Variants in IL1RAP observed in about 807,000 individuals in gnomAD.
The protein encoded by IL1RAP is interleukin 1 receptor accessory protein, also known as interleukin-1 receptor accessory protein.
In IL1RAP, 35 loss-of-function variants were observed where a neutral mutation model predicts 60.7. The ratio of observed to expected loss-of-function variants is 0.58; its 90% confidence interval spans 0.44 to 0.76. IL1RAP has a LOEUF of 0.76. Ranked by LOEUF, IL1RAP falls within the 30% of genes least tolerant of loss-of-function variation. The probability of loss-of-function intolerance (pLI) is 0.00; values close to 1 mark genes in which losing one functional copy is unlikely to be tolerated. For missense variants in IL1RAP, 572 were observed against 693.9 expected (o/e 0.82, Z 1.97); for synonymous variants, 268 against 250.9 (o/e 1.07, Z -0.64).
At chr3:190,610,193 C>T (rs1221540232) in intron 5 of IL1RAP, among the ~76,000 whole-genome samples, 1 of 151,916 alleles carries the variant, frequency 6.6e-6, no homozygotes, top group African/African-American at 2.4e-5. Flanking sequence ...GAGAACAAAG[C>T]CAGGACGTCT....
intron 1 of IL1RAP, among the ~76,000 whole-genome samples, chr3:190,535,397 T>G (rs1306155308): frequency 6.6e-6 from 1 of 152,242 alleles, no homozygotes; most frequent in Non-Finnish European, 1.5e-5. Context: ...TTGCTAGTTT[T>G]GCATATGTGT....
chr3:190,618,961 T>C (rs1731518215), intron 5 of IL1RAP, among the ~76,000 whole-genome samples: 1 of 152,178 alleles, frequency 6.6e-6, no homozygotes. Context: ...TCAAAGTACA[T>C]GCTCCAGGAA....
chr3:190,613,027 T>TAATACAAATAACTTTGTA (rs557773332), intron 5 of IL1RAP, among the ~76,000 whole-genome samples: 2,979 of 152,234 alleles, frequency 0.02, 85 homozygotes, highest in African/African-American at 0.068. Flanking sequence ...CCTCATAATT[T>TAATACAAATAACTTTGTA]AATACAAATA....
chr3:190,620,971 T>G (rs1334119785), intron 6 of IL1RAP, among the ~76,000 whole-genome samples: 1 of 152,146 alleles, frequency 6.6e-6, no homozygotes, highest in East Asian at 1.9e-4. Context: ...TCAACCATTA[T>G]TTTGCACTAA....
At chr3:190,623,218 A>C in intron 6 of IL1RAP, 126 bp from the exon 7 acceptor site, 1 of 705,470 alleles carries the variant, frequency 1.4e-6, no homozygotes, top group South Asian at 1.6e-5. Flanking sequence ...ATCTTGGACT[A>C]TAGGCCTTCT....
intron 9 of IL1RAP, chr3:190,629,899 C>T: frequency 1.0e-6 from 1 of 965,384 alleles, no homozygotes; most frequent in Non-Finnish European, 1.2e-6. Context: ...CTTCAAGAGT[C>T]ATAAAAAAGA....
intron 3 of IL1RAP, among the ~76,000 whole-genome samples, chr3:190,595,610 C>G (rs927605417): frequency 3.9e-5 from 6 of 152,150 alleles, no homozygotes. Flanking sequence ...GACTTAGTCT[C>G]TAGCCTCAGG....
intron 3 of IL1RAP, among the ~76,000 whole-genome samples, chr3:190,592,672 C>T (rs1158298533): frequency 6.6e-6 from 1 of 152,128 alleles, no homozygotes; most frequent in Non-Finnish European, 1.5e-5. Context: ...GCAAACTGCT[C>T]GGAGGTGCTA....
chr3:190,644,332 A>G lies in IL1RAP; in HGVS notation c.1136A>G (p.His379Arg). The stretch of plus-strand genomic sequence containing the variant: ...GTGGTGATTCTCATTGTTGTTTACC[A>G]TGTTTACTGGCTAGAGATGGTCCTA... Reference protein sequence around the residue: ...LLVVILIVVYHVYWLEMVLFY... With the variant: ...LLVVILIVVYRVYWLEMVLFY... The change falls in exon 10 of 12, where the codon CAT (histidine) becomes CGT (arginine). Residue 379 changes from histidine to arginine, a missense_variant. His to Arg is a conservative substitution (Grantham distance 29). Coordinates refer to ENST00000447382, the MANE Select transcript of IL1RAP (RefSeq NM_002182.4). 2.5e-6 allele frequency: 4 copies of G among 1,614,064 alleles called. No individual in the cohort carries two copies. The highest frequency in any genetic ancestry group is 3.4e-6 in the Non-Finnish European group (4 of 1,179,960).
At chr3:190,615,193 T>C in intron 5 of IL1RAP, 1 of 436,352 alleles carries the variant, frequency 2.3e-6, no homozygotes, top group Non-Finnish European at 4.0e-6. Flanking sequence ...TAAGCCAGGT[T>C]TTGTAACTAG....
At chr3:190,640,813 G>GA (rs1417489242) in intron 9 of IL1RAP, among the ~76,000 whole-genome samples, 1 of 152,066 alleles carries the variant, frequency 6.6e-6, no homozygotes, top group Non-Finnish European at 1.5e-5. Context: ...AAAAGGGATG[G>GA]AAAAAATACT....
chr3:190,591,403 T>G (rs1728925052), intron 3 of IL1RAP, among the ~76,000 whole-genome samples: 1 of 152,174 alleles, frequency 6.6e-6, no homozygotes. Context: ...ATTAGAGCCC[T>G]GGTTTGGCCC....
chr3:190,604,074 C>T, intron 3 of IL1RAP, 54 bp from the exon 4 acceptor site: 1 of 1,544,374 alleles, frequency 6.5e-7, no homozygotes, highest in Non-Finnish European at 8.8e-7. Flanking sequence ...TCTTTTGAGG[C>T]CTTTGTTGTA....
intron 1 of IL1RAP, among the ~76,000 whole-genome samples, chr3:190,536,228 A>T (rs1428359767): frequency 6.6e-6 from 1 of 152,012 alleles, no homozygotes; most frequent in Admixed American, 6.6e-5. Context: ...AGGCATAAGG[A>T]CTCAGATAAC....
intron 3 of IL1RAP, among the ~76,000 whole-genome samples, chr3:190,571,978 C>G (rs914580118): frequency 2.0e-5 from 3 of 152,140 alleles, no homozygotes; most frequent in African/African-American, 7.2e-5. Context: ...AACAGATATA[C>G]AAATTATTGT....
At chr3:190,562,883 G>A (rs565921588) in intron 2 of IL1RAP, among the ~76,000 whole-genome samples, 1 of 152,140 alleles carries the variant, frequency 6.6e-6, no homozygotes, top group Non-Finnish European at 1.5e-5. Flanking sequence ...GGAAGGAAGA[G>A]GTGCTGGGAA....
intron 9 of IL1RAP, among the ~76,000 whole-genome samples, chr3:190,631,514 A>C (rs1293894879): frequency 2.0e-5 from 3 of 152,036 alleles, no homozygotes; most frequent in Non-Finnish European, 2.9e-5. Flanking sequence ...GTACCAGAGG[A>C]GTTGTGGTTT....
intron 1 of IL1RAP, among the ~76,000 whole-genome samples, chr3:190,539,747 G>A (rs1383567633): frequency 6.6e-6 from 1 of 151,028 alleles, no homozygotes; most frequent in East Asian, 1.9e-4. Flanking sequence ...ATAAAATGAA[G>A]ATAAAATGTA....
At chr3:190,622,137 A>G (rs1408620681) in intron 6 of IL1RAP, among the ~76,000 whole-genome samples, 1 of 152,230 alleles carries the variant, frequency 6.6e-6, no homozygotes, top group Non-Finnish European at 1.5e-5. Flanking sequence ...TACAGAGAGA[A>G]GAAACAACTG....
Sources: gnomAD v4.1 joint callset for allele counts (sites outside exome capture counted in the v4.1 genomes callset) on GRCh38, gnomAD v4.1.1 for gene constraint, MANE v1.5 for transcripts, NCBI Gene and HGNC (gene_info 2026-07-23, HGNC 2026-07-21) for gene names.